Variants in TULP4 observed in about 807,000 individuals in gnomAD.
TULP4 encodes the protein TUB like protein 4.
Under a neutral mutation model 129.0 loss-of-function variants are expected in TULP4, and 16 were observed. The ratio of observed to expected loss-of-function variants is 0.12; its 90% CI spans 0.08 to 0.19. The LOEUF is 0.19. Among genes scored for constraint, TULP4 ranks in the 10% least tolerant of loss-of-function variants. The pLI, the probability that TULP4 is intolerant of heterozygous loss-of-function variation, is 1.00. For missense variants in TULP4, 1,842 were observed against 2,059.1 expected, an observed-to-expected ratio of 0.89 and a Z score of 2.04; for synonymous variants, 998 against 854.0, an observed-to-expected ratio of 1.17 and a Z score of -2.94.
chr6:158,315,466 A>C (rs2128483964), intron 1 of TULP4, among the ~76,000 whole-genome samples: 1 of 152,320 alleles, frequency 6.6e-6, no homozygotes, highest in African/African-American at 2.4e-5. Context: ...ACAAACATTG[A>C]GATCATAGCA....
rs893692815 is a variant in TULP4, at chr6:158,503,853, A to G, written c.4190A>G (p.Asn1397Ser). 1 of 1,614,132 alleles carries G rather than the reference A, an allele frequency of 6.2e-7. No homozygotes were observed. Among genetic ancestry groups the G allele is most frequent in the Non-Finnish European group, 8.5e-7 (1 of 1,180,038 alleles). ...GACCAACTGAAGTCAAAGAAGTTGA[A>G]TAAGACAAACGAGTTCCAGGACAGC... ...QKDQLKSKKL[N>S]KTNEFQDSSE... Residue 1397 changes from asparagine (N) to serine (S), a missense_variant, in exon 13 of 14, where the codon AAT becomes AGT. Around this residue, in one of 5 missense-constraint regions of TULP4, gnomAD observed 1,089 missense variants for 987.1 expected, o/e 1.10. Coordinates refer to ENST00000367097, the MANE Select transcript of TULP4 (RefSeq NM_020245.5). The surrounding 1 kb of genome is among the most constrained non-coding windows in gnomAD (Gnocchi z 4.3).
At chr6:158,389,932 G>A (rs138439118) in intron 1 of TULP4, among the ~76,000 whole-genome samples, 3 of 152,278 alleles carry the variant, frequency 2.0e-5, no homozygotes, top group Non-Finnish European at 2.9e-5. Context: ...CTAACATGGT[G>A]AAACCCTATC....
rs565316499 is a variant in TULP4, at chr6:158,491,909, A to T, written c.1632-1664A>T. On this transcript the variant is annotated intron_variant, in intron 9 of 13. Transcript: ENST00000367097. Reference sequence around the variant, plus strand: ...AGTCTTGCTCTGTCGCCCAGGCTGGAGTGCAGTGGCGTGATCTTGGCTCAC... The same window carrying T: ...AGTCTTGCTCTGTCGCCCAGGCTGGTGTGCAGTGGCGTGATCTTGGCTCAC... 2.6e-4 allele frequency among the ~76,000 whole-genome samples: 37 copies of T among 144,294 alleles called. No individual in the cohort carries two copies. The East Asian group carries it at 6.9e-3, about 27-fold the overall frequency. The allele number at this position is 144,294 out of a possible 152,430, so 94.7% of individuals were successfully genotyped here. A position where few individuals can be genotyped will look rare whatever the true frequency, so the allele number is the denominator to read the frequency against.
At chr6:158,397,437 T>C (rs866445064) in intron 1 of TULP4, among the ~76,000 whole-genome samples, 1 of 152,248 alleles carries the variant, frequency 6.6e-6, no homozygotes, top group Non-Finnish European at 1.5e-5. Context: ...GAAGAGGTAC[T>C]AGAGCAAGTC....
intron 13 of TULP4, among the ~76,000 whole-genome samples, chr6:158,505,184 G>GC (rs1780573036): frequency 6.6e-6 from 1 of 152,176 alleles, no homozygotes; most frequent in Non-Finnish European, 1.5e-5. Flanking sequence ...CCCTGCTCCA[G>GC]CCCAGAAGGG....
chr6:158,251,908 A>G (rs1778147552), intron 1 of TULP4, among the ~76,000 whole-genome samples: 1 of 152,240 alleles, frequency 6.6e-6, no homozygotes, highest in Admixed American at 6.5e-5. Flanking sequence ...TTTAGATTCT[A>G]GAAGATTTTG....
intron 3 of TULP4, among the ~76,000 whole-genome samples, chr6:158,436,134 T>C (rs1778747625): frequency 6.6e-6 from 1 of 152,150 alleles, no homozygotes; most frequent in Non-Finnish European, 1.5e-5. Context: ...CTTGAACCGC[T>C]AACCTCAAGT....
chr6:158,420,832 A>G (rs341146), intron 2 of TULP4, among the ~76,000 whole-genome samples: 36,616 of 152,108 alleles, frequency 0.24, 5,671 homozygotes, highest in Non-Finnish European at 0.35. Flanking sequence ...GGTTTACAGA[A>G]TATGTTTAAT....
chr6:158,360,692 A>G (rs1335644740), intron 1 of TULP4, among the ~76,000 whole-genome samples: 1 of 152,188 alleles, frequency 6.6e-6, no homozygotes, highest in African/African-American at 2.4e-5. Flanking sequence ...GACATGGAAG[A>G]TGGTAAGAAT....
At chr6:158,452,466 C>T (rs1259325664) in intron 5 of TULP4, among the ~76,000 whole-genome samples, 198 bp downstream of exon 5, 1 of 152,230 alleles carries the variant, frequency 6.6e-6, no homozygotes, top group Non-Finnish European at 1.5e-5. Flanking sequence ...AGTCTTATCT[C>T]AAAGGGAGAT....
chr6:158,365,669 C>T (rs999686180), intron 1 of TULP4, among the ~76,000 whole-genome samples: 29 of 151,388 alleles, frequency 1.9e-4, no homozygotes, highest in African/African-American at 6.8e-4. Flanking sequence ...GAGGGGGTTT[C>T]ACCATGTTAG....
At chr6:158,391,919 T>C (rs943979522) in intron 1 of TULP4, among the ~76,000 whole-genome samples, 2 of 152,208 alleles carry the variant, frequency 1.3e-5, no homozygotes, top group African/African-American at 4.8e-5. Context: ...TCTTTTTTCT[T>C]AGTGCCTGGA....
At chr6:158,453,211 T>A (rs1300532994) in intron 5 of TULP4, among the ~76,000 whole-genome samples, 1 of 152,134 alleles carries the variant, frequency 6.6e-6, no homozygotes, top group East Asian at 1.9e-4. Context: ...CTCATGCCTG[T>A]AATCCCGGCA....
At chr6:158,412,260 A>G (rs918514166) in intron 1 of TULP4, among the ~76,000 whole-genome samples, 1 of 152,166 alleles carries the variant, frequency 6.6e-6, no homozygotes, top group Admixed American at 6.5e-5. Context: ...GCCTCAGGGA[A>G]CATTCTCCAG....
chr6:158,391,573 A>G (rs1176205837), intron 1 of TULP4, among the ~76,000 whole-genome samples: 2 of 152,318 alleles, frequency 1.3e-5, no homozygotes, highest in South Asian at 2.1e-4. Context: ...TTTAAAATAG[A>G]CTGGGCAGTC....
At position 158,394,400 on chromosome 6, in the gene TULP4, TC is replaced by T. The variant is rs1307243616; in HGVS notation, c.253-18664del. 4.1e-3 allele frequency among the ~76,000 whole-genome samples: 630 copies of T among 152,274 alleles called. 7 individuals carry two copies. The highest frequency in any genetic ancestry group is 0.015 in the African/African-American group (607 of 41,552). On this transcript the variant is annotated intron_variant, in intron 1 of 13. Transcript: ENST00000367097. Reference sequence around the variant, plus strand: ...CTTTGCCTATTACCCAGTTTCGAAGTCGCTTCCACATTTTCAGGTATCTTCA... The same window carrying T: ...CTTTGCCTATTACCCAGTTTCGAAGTGCTTCCACATTTTCAGGTATCTTCA...
Position 158,236,795 on chromosome 6 carries a change from C to CTTTTCTTTTTTTTTTTTT in TULP4, n.68+4496_68+4497insCTTTTTTTTTTTTTTTTT, listed in dbSNP as rs1554272522. 3.6e-4 allele frequency among the ~76,000 whole-genome samples: 23 copies of CTTTTCTTTTTTTTTTTTT among 63,300 alleles called. 1 individual carries two copies. The highest frequency in any genetic ancestry group is 5.0e-4 in the Non-Finnish European group (16 of 32,232). 41.5% of individuals were successfully genotyped at this position (63,300 alleles called of 152,430 possible). On this transcript the variant is annotated intron_variant and non_coding_transcript_variant, in intron 1 of 1. Coordinates refer to the TULP4 transcript ENST00000620026. ...AGATGGGTAAATGCCCAATTCTTTTCTTTTTTTTTTTTTTTTTTTTTTTTT... is the reference window on the plus strand; with the variant it reads ...AGATGGGTAAATGCCCAATTCTTTTCTTTTCTTTTTTTTTTTTTTTTTTTTTTTTTTTTTTTTTTTTTT...
chr6:158,414,018 C>T (rs562692981), intron 2 of TULP4, among the ~76,000 whole-genome samples: 2 of 152,236 alleles, frequency 1.3e-5, no homozygotes, highest in Non-Finnish European at 2.9e-5. Flanking sequence ...CCCTCGCCCA[C>T]CTGTTGCTTA....
chr6:158,330,530 C>T (rs991099864), intron 1 of TULP4, among the ~76,000 whole-genome samples: 1 of 152,162 alleles, frequency 6.6e-6, no homozygotes, highest in Non-Finnish European at 1.5e-5. Context: ...GTTCTTCCCC[C>T]CTGGATCATT....
Sources: gnomAD v4.1 joint callset for allele counts (sites outside exome capture counted in the v4.1 genomes callset) on GRCh38, gnomAD v4.1.1 for gene constraint, gnomAD v4.1.1 regional missense constraint, Gnocchi (gnomAD v3.1) non-coding constraint, MANE v1.5 for transcripts, NCBI Gene and HGNC (gene_info 2026-07-23, HGNC 2026-07-21) for gene names.